Variants in TP73 observed in about 807,000 individuals in gnomAD.
TP73 encodes the protein p53-like transcription factor.
TP73 carries 25 observed loss-of-function variants against 62.5 expected under a neutral mutation model. The observed-to-expected ratio is 0.40, with a 90% CI of 0.29 to 0.56. TP73 has a LOEUF of 0.56. Among genes scored for constraint, TP73 ranks in the 20% least tolerant of loss-of-function variants. The pLI, the probability that TP73 is intolerant of heterozygous loss-of-function variation, is 0.46. For synonymous variants in TP73, 423 were observed against 377.5 expected (o/e 1.12, Z -1.40); for missense variants, 754 against 913.3 (o/e 0.83, Z 2.25).
In TP73 at chr1:3,729,796, G is replaced by A. The variant is rs1423391884; in HGVS notation, c.1197-204G>A. The A allele has an allele frequency of 2.1e-5, 17 of 826,800 alleles. No homozygotes were observed. In the Middle Eastern group the frequency reaches 7.4e-4, roughly 36 times the overall value. 51.2% of individuals were successfully genotyped at this position (826,800 alleles called of 1,614,324 possible). ...GGTCATCCCCCTGCCTCCCGGCCCC[G>A]CCATGGCCAGTGTCCTTCTCAGGCG... On this transcript the variant is annotated intron_variant, in intron 10 of 13. Coordinates refer to ENST00000378295, the MANE Select transcript of TP73 (RefSeq NM_005427.4).
At chr1:3,714,932 C>T (rs1177078172) in intron 4 of TP73, among the ~76,000 whole-genome samples, 2 of 152,250 alleles carry the variant, frequency 1.3e-5, no homozygotes, top group South Asian at 2.1e-4. Context: ...CATTCCTTCC[C>T]GGGCTTGGGC....
At chr1:3,665,340 T>C (rs947968740) in intron 1 of TP73, among the ~76,000 whole-genome samples, 3 of 152,138 alleles carry the variant, frequency 2.0e-5, no homozygotes, top group South Asian at 4.1e-4. Context: ...AAATGAGGTA[T>C]TGGTAAACAG....
intron 1 of TP73, among the ~76,000 whole-genome samples, chr1:3,675,674 CG>C (rs1390881340): frequency 6.6e-6 from 1 of 152,152 alleles, no homozygotes; most frequent in African/African-American, 2.4e-5. Flanking sequence ...AGCAGCCCTG[CG>C]GCCAGGGCCC....
intron 1 of TP73, among the ~76,000 whole-genome samples, chr1:3,658,259 A>G (rs1644908888): frequency 6.6e-6 from 1 of 152,222 alleles, no homozygotes; most frequent in Non-Finnish European, 1.5e-5. Flanking sequence ...CCAAAGAGCA[A>G]GCTGTGGAGA....
At chr1:3,693,301 G>C (rs1638235805) in intron 3 of TP73, among the ~76,000 whole-genome samples, 2 of 152,222 alleles carry the variant, frequency 1.3e-5, no homozygotes, top group Admixed American at 1.3e-4. Flanking sequence ...TGAGCGAATA[G>C]AGTTGTATTG....
chr1:3,671,500 C>T (rs955909069), intron 1 of TP73, among the ~76,000 whole-genome samples: 3 of 152,240 alleles, frequency 2.0e-5, no homozygotes, highest in African/African-American at 7.2e-5. Context: ...CGTCGGGAGC[C>T]CCCTTCGTGA....
intron 3 of TP73, among the ~76,000 whole-genome samples, chr1:3,688,241 C>T (rs1645715474): frequency 1.3e-5 from 2 of 152,170 alleles, no homozygotes; most frequent in South Asian, 4.1e-4. Context: ...TGACAAAGCA[C>T]TTTGGGGCTG....
At chr1:3,702,665 G>A (rs973111488) in intron 3 of TP73, among the ~76,000 whole-genome samples, 2 of 152,218 alleles carry the variant, frequency 1.3e-5, no homozygotes, top group African/African-American at 2.4e-5. Flanking sequence ...GTGCGTCCGC[G>A]GCCTGGAGGC....
intron 4 of TP73, among the ~76,000 whole-genome samples, chr1:3,717,640 C>A (rs564689741): frequency 5.3e-5 from 8 of 152,308 alleles, no homozygotes; most frequent in African/African-American, 1.9e-4. Context: ...TTCCACAGGG[C>A]CAAGCCCAGG....
At position 3,700,733 on chromosome 1, in the gene TP73, A is replaced by G. The variant is rs191287509; in HGVS notation, c.187-6816A>G. On this transcript the variant is annotated intron_variant, in intron 3 of 13. Coordinates refer to ENST00000378295, the MANE Select transcript of TP73 (RefSeq NM_005427.4). ...GAGGTGGAAGTTGCAGTGAGCCGAG[A>G]TCCCACCACTGCACTCCAGCCTGGG... Among the ~76,000 whole-genome samples the G allele has an allele frequency of 7.1e-3, 1,084 of 151,872 alleles. 12 individuals are homozygous for G. The highest frequency in any genetic ancestry group is 0.025 in the African/African-American group (1,045 of 41,380).
intron 1 of TP73, among the ~76,000 whole-genome samples, chr1:3,674,114 T>C (rs1645305633): frequency 2.0e-5 from 3 of 152,164 alleles, no homozygotes; most frequent in African/African-American, 7.2e-5. Flanking sequence ...TGCTTTGGTG[T>C]TTCTACATTT....
At position 3,721,396 on chromosome 1, in the gene TP73, G is replaced by A. The variant is rs533419982; in HGVS notation, c.430-625G>A. ...TGGCCAAGACCAAGCCACACAGCTCGGCTGCTCAGACTTGGTGGCCCCAGC... is the reference window on the plus strand; with the variant it reads ...TGGCCAAGACCAAGCCACACAGCTCAGCTGCTCAGACTTGGTGGCCCCAGC... On this transcript the variant is annotated intron_variant, in intron 4 of 13. Coordinates refer to ENST00000378295, the MANE Select transcript of TP73 (RefSeq NM_005427.4). 5.9e-5 allele frequency among the ~76,000 whole-genome samples: 9 copies of A among 152,334 alleles called. No individual in the cohort carries two copies. The South Asian group carries it at 1.7e-3, about 28-fold the overall frequency.
chr1:3,714,570 G>A (rs2124438449), intron 4 of TP73, among the ~76,000 whole-genome samples: 1 of 152,366 alleles, frequency 6.6e-6, no homozygotes, highest in East Asian at 1.9e-4. Flanking sequence ...ACAGCTCCAG[G>A]GCCTGGCCCA....
intron 4 of TP73, among the ~76,000 whole-genome samples, chr1:3,717,208 G>A (rs368917335): frequency 2.6e-5 from 4 of 152,292 alleles, no homozygotes; most frequent in Non-Finnish European, 5.9e-5. Context: ...AGCGAGGAGC[G>A]GGCACAAGGA....
chr1:3,713,285 T>A (rs3765759), intron 4 of TP73, among the ~76,000 whole-genome samples: 23,384 of 152,234 alleles, frequency 0.15, 4,659 homozygotes, highest in African/African-American at 0.46. Context: ...GCCAGGCAGC[T>A]GGGCTTGGGG....
chr1:3,720,338 T>TG (rs1640970343), intron 4 of TP73, among the ~76,000 whole-genome samples: 1 of 152,046 alleles, frequency 6.6e-6, no homozygotes, highest in South Asian at 2.1e-4. Flanking sequence ...GTGCCCAAGG[T>TG]GGGGGTCGCA....
At chr1:3,728,750 G>A (rs1331582831) in intron 9 of TP73, among the ~76,000 whole-genome samples, 1 of 152,228 alleles carries the variant, frequency 6.6e-6, no homozygotes, top group East Asian at 1.9e-4. Context: ...TGAGGCGGGT[G>A]GATCACTTGA....
chr1:3,680,727 G>A (rs1317479430), intron 1 of TP73, among the ~76,000 whole-genome samples: 3 of 152,202 alleles, frequency 2.0e-5, no homozygotes, highest in East Asian at 1.9e-4. Context: ...CTGGACCTGC[G>A]GTTCTGCTTC....
intron 3 of TP73, among the ~76,000 whole-genome samples, chr1:3,684,852 A>T (rs1321503731): frequency 1.4e-5 from 2 of 143,082 alleles, no homozygotes; most frequent in African/African-American, 2.5e-5. Context: ...ACCGAGGCAG[A>T]TGCTGGGAAA....
Sources: gnomAD v4.1 joint callset for allele counts (sites outside exome capture counted in the v4.1 genomes callset) on GRCh38, gnomAD v4.1.1 for gene constraint, MANE v1.5 for transcripts, NCBI Gene and HGNC (gene_info 2026-07-23, HGNC 2026-07-21) for gene names.